The following DAB1 variants were observed in gnomAD, a reference collection of about 807,000 sequenced individuals.
The protein encoded by DAB1 is disabled homolog 1.
In DAB1, 15 loss-of-function variants were observed where a neutral mutation model predicts 64.6. The ratio of observed to expected loss-of-function variants is 0.23; its 90% CI spans 0.16 to 0.36. DAB1 has a LOEUF of 0.36. Ranked by LOEUF, DAB1 falls within the 10% of genes least tolerant of loss-of-function variation. The pLI is 1.00. For synonymous variants in DAB1, 235 were observed against 251.9 expected (o/e 0.93, Z 0.64); for missense variants, 596 against 706.7 (o/e 0.84, Z 1.78).
At chr1:57,489,178 A>G (rs1013744779) in intron 7 of DAB1, among the ~76,000 whole-genome samples, 3 of 152,180 alleles carry the variant, frequency 2.0e-5, no homozygotes, top group African/African-American at 7.2e-5. Flanking sequence ...CTAGGGCATT[A>G]TTGGGAAGAA....
chr1:57,726,009 T>C (rs980058288), intron 6 of DAB1, among the ~76,000 whole-genome samples: 6 of 152,138 alleles, frequency 3.9e-5, no homozygotes, highest in Non-Finnish European at 5.9e-5. Flanking sequence ...CTGCCTCAGC[T>C]TCCCAAAGTG....
intron 1 of DAB1, among the ~76,000 whole-genome samples, chr1:57,354,517 T>C (rs1416821390): frequency 6.6e-6 from 1 of 152,096 alleles, no homozygotes; most frequent in Non-Finnish European, 1.5e-5. Flanking sequence ...TCCACATCAG[T>C]TGCTGTTGGG....
At chr1:57,189,048 G>A (rs1663876685) in intron 2 of DAB1, among the ~76,000 whole-genome samples, 3 of 152,116 alleles carry the variant, frequency 2.0e-5, no homozygotes, top group Non-Finnish European at 4.4e-5. Flanking sequence ...ATTCAGGCCT[G>A]TTGGACTCCA....
At chr1:57,140,838 G>A (rs1658525008) in intron 3 of DAB1, among the ~76,000 whole-genome samples, 1 of 152,178 alleles carries the variant, frequency 6.6e-6, no homozygotes, top group African/African-American at 2.4e-5. Flanking sequence ...GTATCTCGAT[G>A]GAGGACGTTA....
intron 3 of DAB1, among the ~76,000 whole-genome samples, chr1:58,419,549 A>G (rs960819717): frequency 1.3e-5 from 2 of 151,626 alleles, no homozygotes; most frequent in African/African-American, 4.9e-5. Context: ...TCTATTCCCA[A>G]CTCTTCCCTT....
intron 11 of DAB1, 57 bp from the exon 12 acceptor site, chr1:57,015,488 T>C: frequency 6.8e-7 from 1 of 1,471,894 alleles, no homozygotes; most frequent in Non-Finnish European, 9.2e-7. Context: ...GAAAGAAGGA[T>C]GCATGGACTC....
intron 6 of DAB1, among the ~76,000 whole-genome samples, chr1:57,660,516 G>GT (rs1404144862): frequency 6.6e-6 from 1 of 152,198 alleles, no homozygotes; most frequent in African/African-American, 2.4e-5. Flanking sequence ...GATGGCAAAA[G>GT]GAGTAGTGCA....
chr1:58,181,616 T>G (rs1656797726), intron 4 of DAB1, among the ~76,000 whole-genome samples: 1 of 152,228 alleles, frequency 6.6e-6, no homozygotes, highest in South Asian at 2.1e-4. Context: ...CTTAATAAAT[T>G]TTCCAGAGAT....
intron 1 of DAB1, among the ~76,000 whole-genome samples, chr1:57,875,892 T>C (rs1644036916): frequency 6.6e-6 from 1 of 152,114 alleles, no homozygotes; most frequent in Non-Finnish European, 1.5e-5. Context: ...TCCAAACATA[T>C]AGACAAAAGG....
At chr1:58,344,630 A>G (rs1472939346) in intron 3 of DAB1, among the ~76,000 whole-genome samples, 2 of 152,212 alleles carry the variant, frequency 1.3e-5, no homozygotes, top group African/African-American at 2.4e-5. Flanking sequence ...AACTCTGCAT[A>G]TCAAGAAGAA....
intron 9 of DAB1, among the ~76,000 whole-genome samples, chr1:57,053,686 A>T (rs1273070495): frequency 1.7e-3 from 143 of 82,598 alleles, no homozygotes; most frequent in African/African-American, 4.6e-3. Flanking sequence ...ATATATATAT[A>T]TATTTTTTTT....
chr1:58,323,234 TATA>T (rs146067591), intron 4 of DAB1, among the ~76,000 whole-genome samples: 82,565 of 145,688 alleles, frequency 0.57, 23,926 homozygotes, highest in South Asian at 0.66. Flanking sequence ...GAACTTAAAG[TATA>T]ATAATAATAA....
chr1:57,439,418 G>GTGTT (rs1685823935), intron 7 of DAB1, among the ~76,000 whole-genome samples: 1 of 116,140 alleles, frequency 8.6e-6, no homozygotes, highest in East Asian at 3.0e-4. Flanking sequence ...TGGTGATGAG[G>GTGTT]TTTTTTCTTT....
chr1:57,033,339 G>A (rs1057375429), intron 9 of DAB1: 1 of 1,579,592 alleles, frequency 6.3e-7, no homozygotes, highest in Admixed American at 1.7e-5. Flanking sequence ...TGGAATGCAT[G>A]AGTATGAGCA....
intron 3 of DAB1, among the ~76,000 whole-genome samples, chr1:58,505,522 T>C (rs1569909189): frequency 6.6e-6 from 1 of 152,106 alleles, no homozygotes; most frequent in African/African-American, 2.4e-5. Context: ...GACCCACTTA[T>C]GAATTCTACA....
intron 4 of DAB1, among the ~76,000 whole-genome samples, chr1:58,244,319 C>T (rs1459175286): frequency 6.6e-6 from 1 of 152,174 alleles, no homozygotes; most frequent in Non-Finnish European, 1.5e-5. Context: ...GGATCTTACA[C>T]AGGTCCCAGA....
intron 4 of DAB1, among the ~76,000 whole-genome samples, chr1:58,186,173 T>C (rs1178404163): frequency 2.0e-5 from 3 of 152,040 alleles, no homozygotes; most frequent in Non-Finnish European, 4.4e-5. Flanking sequence ...TCTAGAGCAG[T>C]GGGGGTCGAG....
intron 4 of DAB1, among the ~76,000 whole-genome samples, chr1:58,157,086 G>A (rs906972025): frequency 1.3e-5 from 2 of 152,068 alleles, no homozygotes; most frequent in African/African-American, 2.4e-5. Context: ...AGCATCCCAC[G>A]TCACCTGCAG....
At chr1:57,360,173 A>C (rs539657529) in intron 1 of DAB1, among the ~76,000 whole-genome samples, 1 of 152,204 alleles carries the variant, frequency 6.6e-6, no homozygotes, top group African/African-American at 2.4e-5. Flanking sequence ...ACTTCATAAC[A>C]ACATGCAGTA....
Sources: allele counts gnomAD v4.1 joint callset (sites outside exome capture counted in the v4.1 genomes callset), GRCh38; gene constraint gnomAD v4.1.1; transcripts MANE v1.5; gene names NCBI Gene and HGNC (gene_info 2026-07-23, HGNC 2026-07-21).